Variants in TRAPPC9 observed in about 807,000 individuals in gnomAD.
The protein encoded by TRAPPC9 is trafficking protein particle complex subunit 9, also known as IKK2 binding protein.
Under a neutral mutation model 124.0 loss-of-function variants are expected in TRAPPC9, and 83 were observed. The observed-to-expected ratio is 0.67, with a 90% CI of 0.56 to 0.80. The LOEUF (loss-of-function observed/expected upper bound fraction) is 0.80, where lower values mean the gene tolerates loss of function less well. Ranked by LOEUF, TRAPPC9 falls within the 30% of genes least tolerant of loss-of-function variation. The probability of loss-of-function intolerance (pLI) is 0.00; values close to 1 mark genes in which losing one functional copy is unlikely to be tolerated. For synonymous variants in TRAPPC9, 638 were observed against 617.5 expected, an observed-to-expected ratio of 1.03 and a Z score of -0.49; for missense variants, 1,302 against 1,508.3, an observed-to-expected ratio of 0.86 and a Z score of 2.27.
At chr8:140,072,733 CAT>C (rs888720756) in intron 17 of TRAPPC9, among the ~76,000 whole-genome samples, 2 of 151,800 alleles carry the variant, frequency 1.3e-5, no homozygotes, top group African/African-American at 4.8e-5. Flanking sequence ...GTATACATAA[CAT>C]AGTGTCACTA....
At chr8:140,144,879 C>CT (rs757097558) in intron 17 of TRAPPC9, among the ~76,000 whole-genome samples, 32 of 149,092 alleles carry the variant, frequency 2.1e-4, no homozygotes, top group Middle Eastern at 3.5e-3. Context: ...CTTTCTCTGT[C>CT]TTTTTTTTTT....
At chr8:139,754,315 C>T (rs1001642164) in intron 21 of TRAPPC9, among the ~76,000 whole-genome samples, 4 of 152,228 alleles carry the variant, frequency 2.6e-5, no homozygotes, top group African/African-American at 9.6e-5. Flanking sequence ...CAGACATCAC[C>T]AAGAACTAGT....
intron 21 of TRAPPC9, among the ~76,000 whole-genome samples, chr8:139,867,539 G>A (rs1219938948): frequency 3.9e-5 from 6 of 152,208 alleles, no homozygotes; most frequent in Non-Finnish European, 4.4e-5. Context: ...CTTTACAGTA[G>A]AGGGAAGCAA....
chr8:140,306,064 T>C (rs550356875), intron 10 of TRAPPC9, among the ~76,000 whole-genome samples: 2 of 152,256 alleles, frequency 1.3e-5, no homozygotes, highest in South Asian at 2.1e-4. Flanking sequence ...TGCGTACACA[T>C]CAGTATCCCT....
In TRAPPC9 at chr8:140,334,315, T is replaced by C. The variant is rs144591972; in HGVS notation, c.1496-22941A>G. On this transcript the variant is annotated intron_variant, in intron 9 of 22. Coordinates refer to ENST00000438773, the MANE Select transcript of TRAPPC9 (RefSeq NM_001160372.4). ...GTCTGCCTGGTGGAGTCTCAATTGA[T>C]ACATTTTAGGAAATAATTTGAGAAA... 1.4e-4 allele frequency among the ~76,000 whole-genome samples: 21 copies of C among 152,264 alleles called. No homozygotes were observed. The East Asian group carries it at 4.1e-3, about 29-fold the overall frequency.
At chr8:140,286,072 A>C (rs1392474870) in intron 13 of TRAPPC9, among the ~76,000 whole-genome samples, 1 of 152,236 alleles carries the variant, frequency 6.6e-6, no homozygotes, top group Non-Finnish European at 1.5e-5. Context: ...ACAGGGGCCT[A>C]GGCCAGCGAG....
chr8:140,364,030 C>T (rs922578585), intron 8 of TRAPPC9, among the ~76,000 whole-genome samples: 1 of 151,990 alleles, frequency 6.6e-6, no homozygotes, highest in Non-Finnish European at 1.5e-5. Flanking sequence ...CTGAAAGGAC[C>T]ACTGAGGACC....
At chr8:139,998,709 G>A (rs761568922) in intron 18 of TRAPPC9, among the ~76,000 whole-genome samples, 5 of 152,046 alleles carry the variant, frequency 3.3e-5, no homozygotes, top group Non-Finnish European at 7.4e-5. Flanking sequence ...GCAACACAGC[G>A]AGACTCCGTC....
At chr8:140,256,577 A>G (rs2064266858) in intron 15 of TRAPPC9, among the ~76,000 whole-genome samples, 1 of 152,076 alleles carries the variant, frequency 6.6e-6, no homozygotes, top group East Asian at 1.9e-4. Flanking sequence ...TTCTATGTGT[A>G]TTCTGAGAAT....
intron 21 of TRAPPC9, among the ~76,000 whole-genome samples, chr8:139,750,926 G>T (rs946635368): frequency 2.0e-5 from 3 of 152,170 alleles, no homozygotes; most frequent in African/African-American, 7.2e-5. Flanking sequence ...TGTGACTCCA[G>T]CACTAGAGCC....
chr8:139,761,422 G>A (rs1820209901), intron 21 of TRAPPC9, among the ~76,000 whole-genome samples: 1 of 152,222 alleles, frequency 6.6e-6, no homozygotes, highest in African/African-American at 2.4e-5. Context: ...AGAAGGCCGA[G>A]TTAAAATGTA....
chr8:140,065,392 T>C (rs1842853700), intron 17 of TRAPPC9, among the ~76,000 whole-genome samples: 1 of 152,206 alleles, frequency 6.6e-6, no homozygotes. Flanking sequence ...ATGGCTACAC[T>C]AAACAACAGA....
intron 19 of TRAPPC9, among the ~76,000 whole-genome samples, chr8:139,966,395 T>C (rs1835708392): frequency 6.6e-6 from 1 of 152,196 alleles, no homozygotes; most frequent in African/African-American, 2.4e-5. Context: ...GACCCTGCTC[T>C]CTGCTCCCAC....
chr8:140,237,042 G>A (rs970041976), intron 16 of TRAPPC9, among the ~76,000 whole-genome samples: 3 of 152,036 alleles, frequency 2.0e-5, no homozygotes, highest in Non-Finnish European at 2.9e-5. Context: ...TTAGCTGAGC[G>A]TGGTGACACA....
At chr8:140,280,492 G>C (rs778949573) in intron 14 of TRAPPC9, among the ~76,000 whole-genome samples, 1 of 151,964 alleles carries the variant, frequency 6.6e-6, no homozygotes, top group African/African-American at 2.4e-5. Context: ...GTAATGTCGC[G>C]ATCTCGGCTC....
intron 17 of TRAPPC9, among the ~76,000 whole-genome samples, chr8:140,070,105 G>A (rs1373612137): frequency 6.6e-6 from 1 of 152,162 alleles, no homozygotes; most frequent in African/African-American, 2.4e-5. Context: ...CAGCGGCAAC[G>A]CGTTACCAGT....
Position 140,409,070 on chromosome 8 carries a change from C to A in TRAPPC9, c.887-3372G>T, listed in dbSNP as rs79791260. Among the ~76,000 whole-genome samples the A allele has an allele frequency of 7.9e-5, 12 of 151,772 alleles. No individual in the cohort carries two copies. In the East Asian group the frequency reaches 2.1e-3, roughly 27 times the overall value. On this transcript the variant is annotated intron_variant, in intron 5 of 22. Transcript: ENST00000438773. The stretch of plus-strand genomic sequence containing the variant: ...TAATCTGATTTAAAAATATATGCAA[C>A]ATATATCACAAACGGCTAATTCCAC...
intron 20 of TRAPPC9, among the ~76,000 whole-genome samples, chr8:139,901,784 C>T (rs1226437283): frequency 1.3e-5 from 2 of 152,200 alleles, no homozygotes; most frequent in Admixed American, 1.3e-4. Flanking sequence ...GCAGCAGCTG[C>T]CCGTGCCCCC....
chr8:139,888,944 G>C (rs76377548), intron 20 of TRAPPC9, among the ~76,000 whole-genome samples: 1 of 152,030 alleles, frequency 6.6e-6, no homozygotes, highest in African/African-American at 2.4e-5. Context: ...CATACTTCCA[G>C]GTTTATACCC....
Sources: allele counts gnomAD v4.1 joint callset (sites outside exome capture counted in the v4.1 genomes callset), GRCh38; gene constraint gnomAD v4.1.1; transcripts MANE v1.5; gene names NCBI Gene and HGNC (gene_info 2026-07-23, HGNC 2026-07-21).